PTPN14: variants seen among roughly 807,000 people sequenced by gnomAD.
PTPN14 encodes tyrosine-protein phosphatase non-receptor type 14.
Under a neutral mutation model 126.8 loss-of-function variants are expected in PTPN14, and 53 were observed. The ratio of observed to expected loss-of-function variants is 0.42; its 90% CI spans 0.34 to 0.53. The LOEUF (loss-of-function observed/expected upper bound fraction) is 0.53. Among genes scored for constraint, PTPN14 ranks in the 20% least tolerant of loss-of-function variants. PTPN14 has a pLI of 0.08. For synonymous variants in PTPN14, 630 were observed against 599.3 expected (o/e 1.05, Z -0.75); for missense variants, 1,257 against 1,552.9 (o/e 0.81, Z 3.20).
At chr1:214,493,181 C>T (rs975547327) in intron 1 of PTPN14, among the ~76,000 whole-genome samples, 1 of 152,190 alleles carries the variant, frequency 6.6e-6, no homozygotes, top group African/African-American at 2.4e-5. Flanking sequence ...TCAGAACGGA[C>T]TGCCTACGAG....
At chr1:214,441,541 A>T (rs1454830217) in intron 3 of PTPN14, among the ~76,000 whole-genome samples, 1 of 152,238 alleles carries the variant, frequency 6.6e-6, no homozygotes, top group African/African-American at 2.4e-5. Flanking sequence ...GCAAACAATT[A>T]TAAAACATCT....
Position 214,384,696 on chromosome 1 carries a change from T to C in PTPN14, c.1159A>G (p.Ser387Gly). 1 of 1,614,134 alleles carries C rather than the reference T, an allele frequency of 6.2e-7. No homozygotes were observed. The highest frequency in any genetic ancestry group is 8.5e-7 in the Non-Finnish European group (1 of 1,180,014). ...TTGACGCTGTGAACGCTACACACGCTGCCATTGGTGACAGTGCCATTTAAA... is the reference window on the plus strand; with the variant it reads ...TTGACGCTGTGAACGCTACACACGCCGCCATTGGTGACAGTGCCATTTAAA... ...NYLNGTVTNGSVCSVHSVNSL... is the reference protein window; with the variant it reads ...NYLNGTVTNGGVCSVHSVNSL... The change falls in exon 13 of 19, where the codon AGC becomes GGC. Residue 387 changes from serine to glycine, a missense_variant. Transcript: ENST00000366956. The surrounding 1 kb of genome is among the most constrained non-coding windows in gnomAD (Gnocchi z 5.3).
intron 12 of PTPN14, among the ~76,000 whole-genome samples, chr1:214,385,333 G>A (rs950658718): frequency 1.3e-5 from 2 of 152,176 alleles, no homozygotes; most frequent in African/African-American, 2.4e-5. Context: ...AGTTCATCCT[G>A]AGCAGCAATA....
intron 4 of PTPN14, among the ~76,000 whole-genome samples, chr1:214,414,125 G>A (rs1341132201): frequency 6.6e-6 from 1 of 152,146 alleles, no homozygotes; most frequent in Non-Finnish European, 1.5e-5. Flanking sequence ...ACCTTTATAG[G>A]ATGGATTGAA....
At chr1:214,377,345 A>C (rs1031211038) in intron 14 of PTPN14, among the ~76,000 whole-genome samples, 2 of 152,142 alleles carry the variant, frequency 1.3e-5, no homozygotes, top group Non-Finnish European at 2.9e-5. Flanking sequence ...AACACAAAGA[A>C]GGAAACAACA....
At chr1:214,512,143 CT>C (rs1192959360) in intron 1 of PTPN14, among the ~76,000 whole-genome samples, 1 of 152,134 alleles carries the variant, frequency 6.6e-6, no homozygotes, top group Admixed American at 6.5e-5. Context: ...CAACCATCTC[CT>C]TTATCAAAAG....
At chr1:214,503,955 G>A (rs6683647) in intron 1 of PTPN14, among the ~76,000 whole-genome samples, 43,995 of 151,934 alleles carry the variant, frequency 0.29, 8,102 homozygotes, top group African/African-American at 0.53. Context: ...TTGTACATAG[G>A]GCTTTCTTGT....
intron 11 of PTPN14, among the ~76,000 whole-genome samples, chr1:214,390,473 A>AT (rs376534744): frequency 6.6e-5 from 10 of 152,220 alleles, no homozygotes; most frequent in Admixed American, 3.3e-4. Flanking sequence ...TGGAATTCTG[A>AT]TTTTTTTTAA....
chr1:214,466,455 T>C (rs1558116006), intron 1 of PTPN14, among the ~76,000 whole-genome samples: 1 of 152,200 alleles, frequency 6.6e-6, no homozygotes, highest in Non-Finnish European at 1.5e-5. Flanking sequence ...TAATTTACTA[T>C]TATAGTAACA....
intron 5 of PTPN14, among the ~76,000 whole-genome samples, chr1:214,410,160 T>C (rs1283952850): frequency 7.9e-5 from 12 of 152,196 alleles, no homozygotes; most frequent in Admixed American, 6.5e-5. Context: ...ATCTCATTTA[T>C]TTATTTTTAC....
intron 1 of PTPN14, among the ~76,000 whole-genome samples, chr1:214,488,412 C>A (rs1052485785): frequency 9.2e-5 from 14 of 152,174 alleles, no homozygotes; most frequent in Admixed American, 8.5e-4. Flanking sequence ...ACACTTTAAT[C>A]ATCCCCAAAA....
intron 1 of PTPN14, among the ~76,000 whole-genome samples, chr1:214,502,649 G>C (rs1013902329): frequency 2.6e-5 from 4 of 152,092 alleles, no homozygotes; most frequent in Non-Finnish European, 5.9e-5. Context: ...AGGAGCCACT[G>C]TGCGAGGCCA....
chr1:214,490,742 C>G (rs1332224906), intron 1 of PTPN14, among the ~76,000 whole-genome samples: 4 of 149,654 alleles, frequency 2.7e-5, no homozygotes, highest in Non-Finnish European at 3.0e-5. Flanking sequence ...GAGGCTACAG[C>G]AGAAGAATCA....
rs1224631969 is a variant in PTPN14, at chr1:214,521,822, G to A, written c.-155+29361C>T. ...TACGCAGTTAGGAAAAGTATGGGCA[G>A]AACTGATGCAGCACATCCCCCAGTT... On this transcript the variant is annotated intron_variant, in intron 1 of 18. Coordinates refer to ENST00000366956, the MANE Select transcript of PTPN14 (RefSeq NM_005401.5). Among the ~76,000 whole-genome samples the A allele has an allele frequency of 4.7e-5, 7 of 149,922 alleles. 1 individual carries two copies. Among genetic ancestry groups the A allele is most frequent in the Non-Finnish European group, 1.5e-5 (1 of 67,788 alleles).
chr1:214,492,672 C>T (rs1055700242), intron 1 of PTPN14, among the ~76,000 whole-genome samples: 1 of 152,130 alleles, frequency 6.6e-6, no homozygotes, highest in Non-Finnish European at 1.5e-5. Context: ...CTTTGGGAGG[C>T]CATGGCAGGT....
At chr1:214,424,045 C>A (rs1048893360) in intron 3 of PTPN14, among the ~76,000 whole-genome samples, 1 of 151,676 alleles carries the variant, frequency 6.6e-6, no homozygotes, top group African/African-American at 2.4e-5. Context: ...TGCCTGTAAT[C>A]CCAGCACTTT....
At chr1:214,371,518 AC>A (rs1658218059) in intron 16 of PTPN14, among the ~76,000 whole-genome samples, 1 of 152,136 alleles carries the variant, frequency 6.6e-6, no homozygotes, top group South Asian at 2.1e-4. Flanking sequence ...CACGGCACTT[AC>A]TGCTATCTGC....
intron 1 of PTPN14, among the ~76,000 whole-genome samples, chr1:214,525,989 G>A (rs979900771): frequency 1.2e-4 from 18 of 148,210 alleles, no homozygotes; most frequent in Non-Finnish European, 2.1e-4. Context: ...TTTTTAAGAC[G>A]GAGGCTTGCG....
At chr1:214,391,718 A>AC (rs1356467679) in intron 10 of PTPN14, among the ~76,000 whole-genome samples, 3 of 151,472 alleles carry the variant, frequency 2.0e-5, no homozygotes, top group African/African-American at 2.4e-5. Context: ...AAAAAAAAAA[A>AC]AACCCAGGAC....
Sources: allele counts gnomAD v4.1 joint callset (sites outside exome capture counted in the v4.1 genomes callset), GRCh38; gene constraint gnomAD v4.1.1; non-coding constraint Gnocchi (gnomAD v3.1); transcripts MANE v1.5; gene names NCBI Gene and HGNC (gene_info 2026-07-23, HGNC 2026-07-21).